Variants in PDE4D observed in about 807,000 individuals in gnomAD.
The protein encoded by PDE4D is 3',5'-cyclic-AMP phosphodiesterase 4D.
Under a neutral mutation model 87.4 loss-of-function variants are expected in PDE4D, and 24 were observed. The ratio of observed to expected loss-of-function variants is 0.27; its 90% confidence interval spans 0.20 to 0.39. The LOEUF (loss-of-function observed/expected upper bound fraction) is 0.39. Among genes scored for constraint, PDE4D ranks in the 10% least tolerant of loss-of-function variants. PDE4D has a pLI of 1.00. For missense variants in PDE4D, 714 were observed against 1,041.0 expected, an observed-to-expected ratio of 0.69 and a Z score of 4.32; for synonymous variants, 384 against 383.2, an observed-to-expected ratio of 1.00 and a Z score of -0.02.
rs552540485 is a variant in PDE4D at position 60,379,406 on chromosome 5, T to C, written c.-90+108536A>G. On this transcript the variant is annotated intron_variant, in intron 1 of 16. Coordinates refer to the PDE4D transcript ENST00000502484. ...ACTTTCTCTGGTAAAAGAGGTGCTG[T>C]CCCAAAAATAAATAAAACTTGGGTG... Among the ~76,000 whole-genome samples the C allele has an allele frequency of 1.5e-3, 234 of 152,226 alleles. 1 individual carries two copies. Among genetic ancestry groups the C allele is most frequent in the African/African-American group, 5.5e-3 (230 of 41,544 alleles).
chr5:59,805,439 G>A (rs1441534981), intron 1 of PDE4D, among the ~76,000 whole-genome samples: 1 of 152,110 alleles, frequency 6.6e-6, no homozygotes, highest in Non-Finnish European at 1.5e-5. Flanking sequence ...TTTAGCTTCT[G>A]GTGAGCCAAG....
chr5:59,612,729 A>G (rs575194755), intron 1 of PDE4D, among the ~76,000 whole-genome samples: 1 of 152,318 alleles, frequency 6.6e-6, no homozygotes, highest in South Asian at 2.1e-4. Context: ...CACTCTGAAG[A>G]TATCCAAATA....
intron 1 of PDE4D, among the ~76,000 whole-genome samples, chr5:60,446,319 A>C (rs796701575): frequency 1.9e-4 from 29 of 152,324 alleles, no homozygotes; most frequent in African/African-American, 6.7e-4. Flanking sequence ...TTTAACTACC[A>C]GGAGATACAC....
intron 1 of PDE4D, among the ~76,000 whole-genome samples, chr5:59,446,869 G>C (rs1798431672): frequency 6.6e-6 from 1 of 152,288 alleles, no homozygotes; most frequent in South Asian, 2.1e-4. Context: ...CAATGTCAGA[G>C]GTTCACGCTC....
intron 1 of PDE4D, among the ~76,000 whole-genome samples, chr5:59,631,177 T>C (rs1485735130): frequency 3.2e-4 from 48 of 152,142 alleles, no homozygotes; most frequent in Admixed American, 3.1e-3. Flanking sequence ...AATGACACTA[T>C]CAATTATGTA....
chr5:60,264,488 T>C (rs762851961), intron 1 of PDE4D, among the ~76,000 whole-genome samples: 16 of 152,138 alleles, frequency 1.1e-4, no homozygotes, highest in Non-Finnish European at 2.4e-4. Flanking sequence ...GCCATCTACA[T>C]CAACAAATCA....
intron 1 of PDE4D, among the ~76,000 whole-genome samples, chr5:59,488,740 A>G (rs771557361): frequency 2.6e-5 from 4 of 151,696 alleles, no homozygotes; most frequent in Non-Finnish European, 5.9e-5. Flanking sequence ...ATATTTCACA[A>G]TTTCAGGAGA....
At chr5:59,362,307 T>C (rs945012909) in intron 1 of PDE4D, among the ~76,000 whole-genome samples, 6 of 152,194 alleles carry the variant, frequency 3.9e-5, no homozygotes, top group Non-Finnish European at 5.9e-5. Flanking sequence ...GCATGGTAAA[T>C]AGGCATACCA....
intron 1 of PDE4D, among the ~76,000 whole-genome samples, chr5:59,808,001 A>G (rs1767933665): frequency 6.6e-6 from 1 of 152,164 alleles, no homozygotes; most frequent in African/African-American, 2.4e-5. Flanking sequence ...GCCTATCACT[A>G]CCTTAGACCC....
intron 2 of PDE4D, among the ~76,000 whole-genome samples, chr5:60,142,729 T>TA (rs1321799655): frequency 6.6e-6 from 1 of 152,194 alleles, no homozygotes; most frequent in Non-Finnish European, 1.5e-5. Context: ...TAATGTTTTG[T>TA]AAAATTACTG....
chr5:60,339,551 G>A lies in PDE4D; in HGVS notation c.-90+148391C>T, dbSNP rs572021890. On this transcript the variant is annotated intron_variant, in intron 1 of 16. Transcript: ENST00000502484. ...CGGACACGGTTGACTGCAGGTAACCGAAACCACAAAAAGCCAAACTTGAAA... is the reference window on the plus strand; with the variant it reads ...CGGACACGGTTGACTGCAGGTAACCAAAACCACAAAAAGCCAAACTTGAAA... 2.6e-5 allele frequency among the ~76,000 whole-genome samples: 4 copies of A among 152,252 alleles called. No individual in the cohort carries two copies. In the East Asian group the frequency reaches 7.7e-4, roughly 29 times the overall value.
At chr5:60,008,530 A>T (rs886795397) in intron 2 of PDE4D, among the ~76,000 whole-genome samples, 1 of 152,016 alleles carries the variant, frequency 6.6e-6, no homozygotes, top group African/African-American at 2.4e-5. Context: ...TTCCATGAGG[A>T]TTGCAAGTTT....
chr5:59,237,388 T>C (rs1756671686), intron 1 of PDE4D, among the ~76,000 whole-genome samples: 1 of 152,208 alleles, frequency 6.6e-6, no homozygotes, highest in Non-Finnish European at 1.5e-5. Context: ...ACATCCATTA[T>C]TTTATTTGCA....
At chr5:59,392,520 T>TAC (rs907800194) in intron 1 of PDE4D, among the ~76,000 whole-genome samples, 2 of 149,776 alleles carry the variant, frequency 1.3e-5, no homozygotes, top group African/African-American at 5.0e-5. Flanking sequence ...TATATATATA[T>TAC]ATATTCCATT....
intron 2 of PDE4D, among the ~76,000 whole-genome samples, chr5:59,205,699 C>CACACA (rs1581377788): frequency 6.9e-6 from 1 of 145,732 alleles, no homozygotes; most frequent in Admixed American, 6.9e-5. Context: ...CACACACACA[C>CACACA]CAATCCACAA....
chr5:59,685,816 A>T (rs1392535449), intron 1 of PDE4D, among the ~76,000 whole-genome samples: 1 of 152,164 alleles, frequency 6.6e-6, no homozygotes, highest in African/African-American at 2.4e-5. Context: ...AATAAAATAA[A>T]GGCATTTTCT....
chr5:60,284,218 T>C (rs1035058942), intron 1 of PDE4D, among the ~76,000 whole-genome samples: 4 of 152,196 alleles, frequency 2.6e-5, no homozygotes, highest in Admixed American at 1.3e-4. Context: ...TAGAGAGCTA[T>C]TAATGTTTCT....
At chr5:59,289,245 AGTTT>A (rs1353873207) in intron 1 of PDE4D, among the ~76,000 whole-genome samples, 2 of 152,114 alleles carry the variant, frequency 1.3e-5, no homozygotes, top group African/African-American at 4.8e-5. Context: ...TTTGCTTGTT[AGTTT>A]GTTTATGCAA....
intron 6 of PDE4D, among the ~76,000 whole-genome samples, chr5:59,008,876 CAAT>C (rs1278331010): frequency 6.6e-6 from 1 of 151,862 alleles, no homozygotes; most frequent in Non-Finnish European, 1.5e-5. Flanking sequence ...CTTTACAACA[CAAT>C]AAGAGGACAA....
Sources: gnomAD v4.1 joint callset for allele counts (sites outside exome capture counted in the v4.1 genomes callset) on GRCh38, gnomAD v4.1.1 for gene constraint, MANE v1.5 for transcripts, NCBI Gene and HGNC (gene_info 2026-07-23, HGNC 2026-07-21) for gene names.